The following AZIN1 variants were observed in gnomAD, a reference collection of about 807,000 sequenced individuals.
The protein encoded by AZIN1 is ornithine decarboxylase antizyme inhibitor.
A neutral mutation model predicts 47.4 loss-of-function variants in AZIN1; 12 were observed. The observed-to-expected ratio is 0.25, with a 90% confidence interval of 0.16 to 0.41. The LOEUF (loss-of-function observed/expected upper bound fraction) is 0.41. AZIN1 is among the 10% of genes least tolerant of loss of function. The probability of loss-of-function intolerance (pLI) is 1.00; values close to 1 mark genes in which losing one functional copy is unlikely to be tolerated. For synonymous variants in AZIN1, 155 were observed against 176.3 expected, an observed-to-expected ratio of 0.88 and a Z score of 0.96; for missense variants, 410 against 532.4, an observed-to-expected ratio of 0.77 and a Z score of 2.26.
intron 5 of AZIN1, 154 bp from the exon 6 acceptor site, chr8:102,836,544 G>T: frequency 1.3e-6 from 1 of 775,716 alleles, no homozygotes; most frequent in Non-Finnish European, 2.0e-6. Context: ...AAACAATCCT[G>T]TATAGAGAAA....
At chr8:102,830,401 CAAA>C (rs34437491) in intron 9 of AZIN1, among the ~76,000 whole-genome samples, 9 of 90,568 alleles carry the variant, frequency 9.9e-5, no homozygotes, top group East Asian at 3.2e-4. Flanking sequence ...GACCCTGTCT[CAAA>C]AAAAAAAAAA....
At chr8:102,851,466 G>C (rs1812912827) in intron 2 of AZIN1, among the ~76,000 whole-genome samples, 1 of 152,212 alleles carries the variant, frequency 6.6e-6, no homozygotes, top group South Asian at 2.1e-4. Context: ...CCAGCACTTT[G>C]GGAGGCTGAC....
At position 102,834,184 on chromosome 8, in the gene AZIN1, T is replaced by C. The variant is rs1487535815; in HGVS notation, c.741+5A>G. On this transcript the variant is annotated splice_donor_5th_base_variant and intron_variant, in intron 8 of 11. Transcript: ENST00000337198. ...TCTGTTAATGTCATCTACTGAGAAG[T>C]TTACCTCTTCCAATTGAAATTCAGT... 6.2e-7 allele frequency: 1 copy of C among 1,610,556 alleles called. No individual in the cohort carries two copies. Among genetic ancestry groups the C allele is most frequent in the African/African-American group, 1.3e-5 (1 of 74,970 alleles).
intron 1 of AZIN1, chr8:102,858,921 CTA>C (rs1563551880): frequency 1.3e-5 from 2 of 152,132 alleles, no homozygotes; most frequent in African/African-American, 4.8e-5. Flanking sequence ...AATGATATAC[CTA>C]TGTTTCTATG....
Position 102,833,080 on chromosome 8 carries a change from C to T in AZIN1, c.880G>A (p.Glu294Lys). 1 of 1,611,974 alleles carries T rather than the reference C, an allele frequency of 6.2e-7. No homozygotes were observed. Among genetic ancestry groups the T allele is most frequent in the Non-Finnish European group, 8.5e-7 (1 of 1,178,638 alleles). Reference sequence around the variant, plus strand: ...CCTCCAGAGGGAAATTTATCATTTTCAACAACTTTCTTTGCTATGATATTA... The same window carrying T: ...CCTCCAGAGGGAAATTTATCATTTTTAACAACTTTCTTTGCTATGATATTA... ...AVNIIAKKVV[E>K]NDKFPSGVEK... The change falls in exon 9 of 12, where the codon GAA becomes AAA. Residue 294 changes from glutamate (E) to lysine (K), a missense_variant. Physicochemically the swap from Glu to Lys is moderately conservative, Grantham distance 56. Around this residue, in one of 3 missense-constraint regions of AZIN1, gnomAD observed 168 missense variants for 198.3 expected, o/e 0.85. Transcript: ENST00000337198.
Position 102,863,981 on chromosome 8 carries a change from G to T in AZIN1, c.-408C>A. Reference sequence around the variant, plus strand: ...ACACCAGCTGTGTGCAGCAGTGGCGGCGGCGGCCGAAGGAGAAATAGAACA... The same window carrying T: ...ACACCAGCTGTGTGCAGCAGTGGCGTCGGCGGCCGAAGGAGAAATAGAACA... On this transcript the variant is annotated 5_prime_UTR_variant, in exon 1 of 12. Coordinates refer to ENST00000337198, the MANE Select transcript of AZIN1 (RefSeq NM_148174.4). The T allele has an allele frequency of 6.4e-6, 1 of 155,240 alleles. No individual in the cohort carries two copies. Among genetic ancestry groups the T allele is most frequent in the African/African-American group, 2.4e-5 (1 of 41,602 alleles). 9.6% of individuals were successfully genotyped at this position (155,240 alleles called of 1,614,324 possible).
chr8:102,829,595 A>G (rs1291807848), intron 10 of AZIN1, 109 bp from the exon 11 acceptor site: 3 of 1,114,122 alleles, frequency 2.7e-6, no homozygotes, highest in Non-Finnish European at 3.9e-6. Flanking sequence ...TCATGGAAAA[A>G]AGGCCTAGAG....
intron 2 of AZIN1, among the ~76,000 whole-genome samples, chr8:102,850,391 C>T (rs1013507833): frequency 1.8e-4 from 27 of 152,168 alleles, no homozygotes; most frequent in African/African-American, 6.3e-4. Context: ...AAATATACAA[C>T]GTTGCTTAAG....
Position 102,843,735 on chromosome 8 carries a change from A to G in AZIN1, c.-83T>C. 6.4e-7 allele frequency: 1 copy of G among 1,566,486 alleles called. No individual in the cohort carries two copies. Among genetic ancestry groups the G allele is most frequent in the Non-Finnish European group, 8.6e-7 (1 of 1,160,568 alleles). On this transcript the variant is annotated 5_prime_UTR_variant, in exon 3 of 12. Transcript: ENST00000337198. The stretch of plus-strand genomic sequence containing the variant: ...ACCAAGCCTATGTCTGGGTCCTTAG[A>G]ATATGCAACAAACTGTCAAAATATA...
At chr8:102,836,505 C>G in intron 5 of AZIN1, 115 bp from the exon 6 acceptor site, 1 of 1,138,552 alleles carries the variant, frequency 8.8e-7, no homozygotes, top group Non-Finnish European at 1.3e-6. Context: ...CCAAATCCAG[C>G]GACGGATGAA....
intron 6 of AZIN1, 176 bp from the exon 7 acceptor site, chr8:102,834,923 CT>C (rs1168965686): frequency 3.7e-6 from 2 of 537,966 alleles, no homozygotes; most frequent in African/African-American, 1.9e-5. Context: ...ACAGTACCAG[CT>C]TTATAGAAAA....
chr8:102,829,750 G>T, intron 10 of AZIN1, 71 bp downstream of exon 10: 1 of 1,165,246 alleles, frequency 8.6e-7, no homozygotes, highest in South Asian at 1.3e-5. Context: ...AAAAAACTGG[G>T]AAGCATCTTA....
At chr8:102,855,995 A>G (rs1417274165) in intron 2 of AZIN1, 2 of 152,046 alleles carry the variant, frequency 1.3e-5, no homozygotes, top group African/African-American at 2.4e-5. Context: ...TGCAACCACA[A>G]TATTTCTGAA....
intron 1 of AZIN1, among the ~76,000 whole-genome samples, chr8:102,858,385 A>C (rs1456074201): frequency 6.6e-6 from 1 of 152,210 alleles, no homozygotes; most frequent in Non-Finnish European, 1.5e-5. Context: ...CATCTTACCA[A>C]GTCGTTTTAT....
At chr8:102,849,544 A>G (rs910299424) in intron 2 of AZIN1, among the ~76,000 whole-genome samples, 1 of 152,210 alleles carries the variant, frequency 6.6e-6, no homozygotes, top group African/African-American at 2.4e-5. Context: ...CTTGAAAAAA[A>G]AACTACTCCA....
At chr8:102,845,492 C>A (rs183428378) in intron 2 of AZIN1, among the ~76,000 whole-genome samples, 1 of 152,266 alleles carries the variant, frequency 6.6e-6, no homozygotes, top group African/African-American at 2.4e-5. Context: ...TCACAGCCTG[C>A]ACATTCTCTA....
At chr8:102,833,890 T>TA (rs1811640652) in intron 8 of AZIN1, among the ~76,000 whole-genome samples, 6 of 144,834 alleles carry the variant, frequency 4.1e-5, no homozygotes, top group African/African-American at 1.3e-4. Context: ...CAGGAAGACT[T>TA]TAAAAAAAAA....
In AZIN1 at chr8:102,839,836, TAA is replaced by T. The variant is rs3217408; in HGVS notation, c.103-15_103-14del. On this transcript the variant is annotated splice_polypyrimidine_tract_variant and intron_variant, in intron 3 of 11. Transcript: ENST00000337198. ...CATTTTTCCCTGTCTATTATGGTTA[TAA>T]AAAAAAAGACAAATATGAACAAAAA... The T allele has an allele frequency of 2.1e-5, 32 of 1,527,696 alleles. No individual in the cohort carries two copies. Among genetic ancestry groups the T allele is most frequent in the South Asian group, 3.8e-5 (3 of 79,450 alleles). 94.6% of individuals were successfully genotyped at this position (1,527,696 alleles called of 1,614,324 possible).
At chr8:102,842,783 C>G (rs2436848) in intron 3 of AZIN1, among the ~76,000 whole-genome samples, 56,691 of 151,206 alleles carry the variant, frequency 0.37, 11,563 homozygotes, top group South Asian at 0.46. Context: ...GTAATCCCAG[C>G]TACTCGGGAG....
Sources: allele counts gnomAD v4.1 joint callset (sites outside exome capture counted in the v4.1 genomes callset), GRCh38; gene constraint gnomAD v4.1.1; regional missense constraint gnomAD v4.1.1; transcripts MANE v1.5; gene names NCBI Gene and HGNC (gene_info 2026-07-23, HGNC 2026-07-21).